HSD17B12: variants seen among roughly 807,000 people sequenced by gnomAD.
HSD17B12 encodes the protein hydroxysteroid 17-beta dehydrogenase 12, also known as very-long-chain 3-oxoacyl-CoA reductase.
A neutral mutation model predicts 39.3 loss-of-function variants in HSD17B12; 32 were observed. That is an observed-to-expected ratio of 0.81 (90% confidence interval 0.61 to 1.09). HSD17B12 has a LOEUF of 1.09. HSD17B12 is among the 50% of genes least tolerant of loss of function. HSD17B12 has a pLI of 0.00. For synonymous variants in HSD17B12, 150 were observed against 146.7 expected (o/e 1.02, Z -0.16); for missense variants, 342 against 382.9 (o/e 0.89, Z 0.89).
the HSD17B12 span, among the ~76,000 whole-genome samples, chr11:43,638,096 CAT>C: frequency 6.6e-6 from 1 of 152,126 alleles, no homozygotes; most frequent in Non-Finnish European, 1.5e-5. Context: ...AGCAGTAACA[CAT>C]ATAGAAATGA....
chr11:43,827,373 G>C (rs1035052005), intron 6 of HSD17B12, among the ~76,000 whole-genome samples: 1 of 152,144 alleles, frequency 6.6e-6, no homozygotes, highest in South Asian at 2.1e-4. Flanking sequence ...AGAATAATTT[G>C]CTTATATTGT....
chr11:43,650,546 G>A, the HSD17B12 span, among the ~76,000 whole-genome samples: 2 of 152,216 alleles, frequency 1.3e-5, no homozygotes, highest in African/African-American at 4.8e-5. Context: ...GTTCTGGAGA[G>A]CAGCCTGGCC....
intron 1 of HSD17B12, among the ~76,000 whole-genome samples, chr11:43,690,136 C>T (rs1949839673): frequency 6.6e-6 from 1 of 151,698 alleles, no homozygotes; most frequent in African/African-American, 2.4e-5. Flanking sequence ...CACTCCCACT[C>T]CTATCCATTA....
intron 3 of HSD17B12, among the ~76,000 whole-genome samples, chr11:43,777,435 G>A (rs1950717609): frequency 6.6e-6 from 1 of 152,164 alleles, no homozygotes; most frequent in African/African-American, 2.4e-5. Context: ...AAGGATGCTT[G>A]TGATTTTTGC....
At chr11:43,610,310 G>T in the HSD17B12 span, among the ~76,000 whole-genome samples, 1 of 152,290 alleles carries the variant, frequency 6.6e-6, no homozygotes, top group South Asian at 2.1e-4. Context: ...ACAATGTTAG[G>T]CATGTAATTG....
chr11:43,718,873 C>G, intron 1 of HSD17B12: 1 of 881,316 alleles, frequency 1.1e-6, no homozygotes, highest in Non-Finnish European at 1.9e-6. Flanking sequence ...AAAGCACCCT[C>G]AGGAGAAACA....
the HSD17B12 span, among the ~76,000 whole-genome samples, chr11:43,574,103 A>G: frequency 6.6e-6 from 1 of 152,280 alleles, no homozygotes; most frequent in Non-Finnish European, 1.5e-5. Context: ...CTCCATACAC[A>G]GCAGACGTCC....
chr11:43,613,077 A>G, the HSD17B12 span, among the ~76,000 whole-genome samples: 3 of 152,168 alleles, frequency 2.0e-5, no homozygotes, highest in East Asian at 5.8e-4. Context: ...TTCCAGATCA[A>G]TGAGAAAGCC....
chr11:43,570,368 T>C, the HSD17B12 span: 2 of 152,354 alleles, frequency 1.3e-5, no homozygotes, highest in East Asian at 1.9e-4. Flanking sequence ...TAGATTTTTT[T>C]CTCCAATTAA....
At chr11:43,634,330 A>G in the HSD17B12 span, among the ~76,000 whole-genome samples, 1 of 152,026 alleles carries the variant, frequency 6.6e-6, no homozygotes, top group East Asian at 1.9e-4. Context: ...TCCTCCCACC[A>G]ATGCCTCTAC....
intron 1 of HSD17B12, among the ~76,000 whole-genome samples, chr11:43,748,518 C>T (rs146836292): frequency 0.015 from 2,329 of 152,106 alleles, 26 homozygotes; most frequent in Admixed American, 0.023. Context: ...ATCCTCACTA[C>T]CTGTGTGGTG....
At chr11:43,767,983 A>C (rs1249000666) in intron 3 of HSD17B12, among the ~76,000 whole-genome samples, 6 of 152,236 alleles carry the variant, frequency 3.9e-5, no homozygotes, top group East Asian at 1.9e-4. Flanking sequence ...TTTAAAAGGC[A>C]TCTCTGTTTA....
intron 3 of HSD17B12, among the ~76,000 whole-genome samples, chr11:43,763,249 G>A (rs1009836080): frequency 6.6e-6 from 1 of 152,026 alleles, no homozygotes; most frequent in Admixed American, 6.6e-5. Context: ...GTCTTAATTT[G>A]GTATGACAGC....
chr11:43,726,792 C>T (rs1030145462), intron 1 of HSD17B12, among the ~76,000 whole-genome samples: 2 of 152,156 alleles, frequency 1.3e-5, no homozygotes, highest in Non-Finnish European at 2.9e-5. Flanking sequence ...TTCATGTACA[C>T]ATTCTATGTC....
At chr11:43,708,600 C>T (rs1425422132) in intron 1 of HSD17B12, among the ~76,000 whole-genome samples, 3 of 152,216 alleles carry the variant, frequency 2.0e-5, no homozygotes, top group African/African-American at 7.2e-5. Context: ...ACCACATTCT[C>T]ATGGAGATGT....
intron 1 of HSD17B12, among the ~76,000 whole-genome samples, chr11:43,691,269 C>A (rs911742681): frequency 6.6e-6 from 1 of 152,194 alleles, no homozygotes; most frequent in Non-Finnish European, 1.5e-5. Flanking sequence ...CTAGTAGCAG[C>A]CTTCAGCAAC....
the HSD17B12 span, among the ~76,000 whole-genome samples, chr11:43,599,730 C>G: frequency 6.6e-6 from 1 of 152,114 alleles, no homozygotes; most frequent in African/African-American, 2.4e-5. Context: ...TTCCTAGGCA[C>G]AGACAGAACA....
intron 4 of HSD17B12, among the ~76,000 whole-genome samples, chr11:43,801,696 T>C (rs988291882): frequency 5.2e-5 from 7 of 133,618 alleles, no homozygotes; most frequent in Admixed American, 1.5e-4. Flanking sequence ...CCTACAGATA[T>C]AGTTTGGAGA....
chr11:43,707,235 T>C (rs1420773839), intron 1 of HSD17B12, among the ~76,000 whole-genome samples: 1 of 152,190 alleles, frequency 6.6e-6, no homozygotes, highest in African/African-American at 2.4e-5. Context: ...TGCATTTTAA[T>C]GAGGAAAGAT....
Sources: gnomAD v4.1 joint callset for allele counts (sites outside exome capture counted in the v4.1 genomes callset) on GRCh38, gnomAD v4.1.1 for gene constraint, MANE v1.5 for transcripts, NCBI Gene and HGNC (gene_info 2026-07-23, HGNC 2026-07-21) for gene names.